The following WWOX variants were observed in gnomAD, a reference collection of about 807,000 sequenced individuals.
WWOX encodes the protein WW domain-containing oxidoreductase.
A neutral mutation model predicts 46.2 loss-of-function variants in WWOX; 69 were observed. The ratio of observed to expected loss-of-function variants is 1.49; its 90% CI spans 1.23 to 1.82. The LOEUF (loss-of-function observed/expected upper bound fraction) is 1.82. WWOX is among the 40% of genes most tolerant of loss of function. WWOX has a pLI of 0.00. For missense variants in WWOX, 919 were observed against 542.6 expected (o/e 1.69, Z -6.89); for synonymous variants, 359 against 202.6 (o/e 1.77, Z -6.56).
At chr16:79,049,487 G>T (rs1010467748) in intron 8 of WWOX, among the ~76,000 whole-genome samples, 2 of 152,146 alleles carry the variant, frequency 1.3e-5, no homozygotes, top group Non-Finnish European at 2.9e-5. Context: ...ACACTCCACA[G>T]AGAATGATCA....
rs111936300 is a variant in WWOX at position 78,915,289 on chromosome 16, C to T, written c.1057-296319C>T. Among the ~76,000 whole-genome samples the T allele has an allele frequency of 5.6e-3, 858 of 152,310 alleles. 7 individuals carry two copies. Among genetic ancestry groups the T allele is most frequent in the African/African-American group, 0.019 (800 of 41,568 alleles). ...GTCATGAAACAGAGAATCTGGTCAC[C>T]TGTCCTTTATCTTGGCTGGTCCAAT... is the stretch of plus-strand genomic sequence containing the variant. On this transcript the variant is annotated intron_variant, in intron 8 of 8. Coordinates refer to ENST00000566780, the MANE Select transcript of WWOX (RefSeq NM_016373.4).
At chr16:78,379,166 T>C (rs924201889) in intron 5 of WWOX, among the ~76,000 whole-genome samples, 1 of 152,224 alleles carries the variant, frequency 6.6e-6, no homozygotes, top group African/African-American at 2.4e-5. Context: ...GTGCTTATTA[T>C]TTTTGTTGCT....
chr16:78,841,286 A>G (rs1402451720), intron 8 of WWOX, among the ~76,000 whole-genome samples: 1 of 152,200 alleles, frequency 6.6e-6, no homozygotes, highest in East Asian at 1.9e-4. Context: ...TGCTCATAAT[A>G]TTTGAGTCAC....
At chr16:79,089,531 C>T (rs970732853) in intron 8 of WWOX, among the ~76,000 whole-genome samples, 1 of 152,020 alleles carries the variant, frequency 6.6e-6, no homozygotes, top group Non-Finnish European at 1.5e-5. Context: ...AGGGTTTCTC[C>T]ATATTGGTCA....
chr16:78,587,575 C>T (rs2045244151), intron 8 of WWOX, among the ~76,000 whole-genome samples: 1 of 152,094 alleles, frequency 6.6e-6, no homozygotes. Flanking sequence ...CCCCTGATTA[C>T]CGTAAACAGA....
intron 8 of WWOX, among the ~76,000 whole-genome samples, chr16:79,119,972 C>G (rs2049594864): frequency 1.3e-5 from 2 of 152,148 alleles, no homozygotes; most frequent in African/African-American, 2.4e-5. Flanking sequence ...CAAGACTCCA[C>G]TTTCCTACAG....
At chr16:78,846,138 G>A (rs528043073) in intron 8 of WWOX, among the ~76,000 whole-genome samples, 3 of 152,238 alleles carry the variant, frequency 2.0e-5, no homozygotes, top group South Asian at 4.1e-4. Flanking sequence ...GTTTGTTCCA[G>A]TTTTTAAATT....
chr16:79,016,975 T>A (rs1399214839), intron 8 of WWOX: 1 of 152,266 alleles, frequency 6.6e-6, no homozygotes, highest in Non-Finnish European at 1.5e-5. Context: ...GCTGGCATTA[T>A]GGATGTGAGC....
chr16:78,933,711 C>G (rs553525378), intron 8 of WWOX, among the ~76,000 whole-genome samples: 2 of 151,530 alleles, frequency 1.3e-5, no homozygotes, highest in African/African-American at 4.8e-5. Context: ...TGTAGGGAAA[C>G]TCCTGTTTTT....
In WWOX at chr16:78,314,688, G is replaced by T. The variant is rs868454130; in HGVS notation, c.517-72172G>T. ...TACAGGCACACCCCACCCTGCAGGG[G>T]TTTTTTTTTTTTGTTTTTTTTTTTT... On this transcript the variant is annotated intron_variant, in intron 5 of 8. Transcript: ENST00000566780. Among the ~76,000 whole-genome samples the T allele has an allele frequency of 8.1e-3, 730 of 90,452 alleles. 12 individuals carry two copies. Among genetic ancestry groups the T allele is most frequent in the African/African-American group, 0.031 (629 of 20,324 alleles). 59.3% of individuals were successfully genotyped at this position (90,452 alleles called of 152,430 possible). A position where few individuals can be genotyped will look rare whatever the true frequency, so the allele number is the denominator to read the frequency against.
At chr16:78,795,973 A>C (rs1011558542) in intron 8 of WWOX, among the ~76,000 whole-genome samples, 3 of 152,210 alleles carry the variant, frequency 2.0e-5, no homozygotes, top group African/African-American at 7.2e-5. Context: ...GTCTAAGATA[A>C]GGCAAAGAAC....
intron 8 of WWOX, among the ~76,000 whole-genome samples, chr16:78,768,277 G>GT (rs1208713517): frequency 5.8e-4 from 22 of 38,234 alleles, no homozygotes; most frequent in South Asian, 2.2e-3. Context: ...TGATAGATGA[G>GT]TTAAAAAAAA....
At chr16:78,428,106 A>G (rs1463883890) in intron 7 of WWOX, among the ~76,000 whole-genome samples, 1 of 152,202 alleles carries the variant, frequency 6.6e-6, no homozygotes, top group Non-Finnish European at 1.5e-5. Context: ...CCCACAGTAT[A>G]TATAGAAATA....
chr16:79,032,697 C>G (rs991315550), intron 8 of WWOX, among the ~76,000 whole-genome samples: 5 of 150,670 alleles, frequency 3.3e-5, no homozygotes, highest in African/African-American at 1.2e-4. Flanking sequence ...CACACACACA[C>G]ATTTCAACTT....
intron 8 of WWOX, among the ~76,000 whole-genome samples, chr16:79,008,889 C>T (rs1340283891): frequency 1.2e-5 from 1 of 84,192 alleles, no homozygotes; most frequent in Non-Finnish European, 2.0e-5. Flanking sequence ...GTATAATGAG[C>T]AGCGCACACA....
At chr16:79,177,945 C>T (rs2050833935) in intron 8 of WWOX, among the ~76,000 whole-genome samples, 1 of 152,150 alleles carries the variant, frequency 6.6e-6, no homozygotes, top group African/African-American at 2.4e-5. Context: ...AAAGCAACGG[C>T]AGATTCAGCT....
At chr16:79,152,880 G>C (rs1400520563) in intron 8 of WWOX, among the ~76,000 whole-genome samples, 1 of 152,158 alleles carries the variant, frequency 6.6e-6, no homozygotes, top group African/African-American at 2.4e-5. Context: ...GGAGTACCCA[G>C]TTGCACTGAG....
chr16:78,740,517 T>G (rs937596121), intron 8 of WWOX, among the ~76,000 whole-genome samples: 31 of 152,152 alleles, frequency 2.0e-4, no homozygotes, highest in African/African-American at 7.0e-4. Context: ...GATCCCTGTT[T>G]AGGAGCTAGA....
At chr16:79,030,413 C>T (rs1437350056) in intron 8 of WWOX, among the ~76,000 whole-genome samples, 1 of 152,128 alleles carries the variant, frequency 6.6e-6, no homozygotes, top group South Asian at 2.1e-4. Context: ...TTTCATGGCC[C>T]TTTTTTCCCA....
Sources: allele counts gnomAD v4.1 joint callset (sites outside exome capture counted in the v4.1 genomes callset), GRCh38; gene constraint gnomAD v4.1.1; transcripts MANE v1.5; gene names NCBI Gene and HGNC (gene_info 2026-07-23, HGNC 2026-07-21).